ADAMTS19: variants seen among roughly 807,000 people sequenced by gnomAD.
ADAMTS19 encodes A disintegrin and metalloproteinase with thrombospondin motifs 19.
A neutral mutation model predicts 153.3 loss-of-function variants in ADAMTS19; 93 were observed. That is an observed-to-expected ratio of 0.61 (90% CI 0.51 to 0.72). The LOEUF (loss-of-function observed/expected upper bound fraction) is 0.72, where lower values mean the gene tolerates loss of function less well. Ranked by LOEUF, ADAMTS19 falls within the 30% of genes least tolerant of loss-of-function variation. The pLI is 0.00. For synonymous variants in ADAMTS19, 600 were observed against 556.6 expected (o/e 1.08, Z -1.10); for missense variants, 1,482 against 1,552.1 (o/e 0.95, Z 0.76).
intron 8 of ADAMTS19, among the ~76,000 whole-genome samples, chr5:129,614,247 G>A (rs552880620): frequency 6.6e-6 from 1 of 152,170 alleles, no homozygotes; most frequent in South Asian, 2.1e-4. Flanking sequence ...GAGAATTTTA[G>A]ACCAATATCC....
Position 129,637,933 on chromosome 5 carries a change from G to C in ADAMTS19, c.1771-3926G>C, listed in dbSNP as rs546565021. Reference sequence around the variant, plus strand: ...TAAATGATACGAACTTAGGAACACAGAGAAGGAAACAACAGACCCTGGGGC... The same window carrying C: ...TAAATGATACGAACTTAGGAACACACAGAAGGAAACAACAGACCCTGGGGC... On this transcript the variant is annotated intron_variant, in intron 10 of 22. Transcript: ENST00000274487. 2.8e-4 allele frequency among the ~76,000 whole-genome samples: 43 copies of C among 152,212 alleles called. No homozygotes were observed. The South Asian group carries it at 4.8e-3, about 17-fold the overall frequency.
chr5:129,734,678 T>C (rs539803329), intron 21 of ADAMTS19, among the ~76,000 whole-genome samples: 1 of 152,130 alleles, frequency 6.6e-6, no homozygotes, highest in Admixed American at 6.6e-5. Flanking sequence ...TGTACCTTTT[T>C]CTTTATCCTT....
intron 2 of ADAMTS19, among the ~76,000 whole-genome samples, chr5:129,485,228 T>G (rs1285007500): frequency 6.6e-6 from 1 of 152,006 alleles, no homozygotes; most frequent in African/African-American, 2.4e-5. Flanking sequence ...AATTTAGAAA[T>G]AAAACAATGC....
chr5:129,586,343 C>T (rs975715571), intron 7 of ADAMTS19, among the ~76,000 whole-genome samples: 1 of 152,176 alleles, frequency 6.6e-6, no homozygotes, highest in Non-Finnish European at 1.5e-5. Context: ...TTCTTCCGCT[C>T]TTAATCCTTG....
chr5:129,539,423 G>T (rs1752577049), intron 6 of ADAMTS19, among the ~76,000 whole-genome samples: 1 of 152,040 alleles, frequency 6.6e-6, no homozygotes, highest in Non-Finnish European at 1.5e-5. Flanking sequence ...ATACCCTAGT[G>T]CCTCTAGAAG....
intron 6 of ADAMTS19, among the ~76,000 whole-genome samples, chr5:129,531,116 C>T (rs561049638): frequency 1.4e-4 from 22 of 152,222 alleles, no homozygotes; most frequent in Middle Eastern, 3.4e-3. Context: ...AACTATACAG[C>T]ACTCTTATGA....
intron 7 of ADAMTS19, among the ~76,000 whole-genome samples, chr5:129,575,527 A>C (rs1754069215): frequency 6.6e-6 from 1 of 152,124 alleles, no homozygotes; most frequent in South Asian, 2.1e-4. Flanking sequence ...TCCAAGGCAG[A>C]TGAAATCATT....
At chr5:129,564,965 A>T (rs1280131130) in intron 7 of ADAMTS19, among the ~76,000 whole-genome samples, 1 of 152,238 alleles carries the variant, frequency 6.6e-6, no homozygotes, top group African/African-American at 2.4e-5. Flanking sequence ...AACTTTTAAA[A>T]GTTAAGAGAC....
At chr5:129,586,124 T>C (rs1749783961) in intron 7 of ADAMTS19, among the ~76,000 whole-genome samples, 1 of 152,186 alleles carries the variant, frequency 6.6e-6, no homozygotes, top group South Asian at 2.1e-4. Context: ...TTATCAACAT[T>C]CACCACTAGA....
chr5:129,460,637 G>T, intron 1 of ADAMTS19, 155 bp downstream of exon 1: 1 of 758,892 alleles, frequency 1.3e-6, no homozygotes. Context: ...AAGGGGTCAA[G>T]TTCGGAAATG....
At chr5:129,468,430 T>C (rs1448969493) in intron 2 of ADAMTS19, among the ~76,000 whole-genome samples, 1 of 152,202 alleles carries the variant, frequency 6.6e-6, no homozygotes, top group Admixed American at 6.5e-5. Context: ...GTCGGCTCAC[T>C]GCAGCTTCTG....
chr5:129,467,181 T>C (rs1214636377), intron 2 of ADAMTS19, among the ~76,000 whole-genome samples: 4 of 152,194 alleles, frequency 2.6e-5, no homozygotes, highest in Non-Finnish European at 2.9e-5. Context: ...GGTTGTATGC[T>C]GTAAGACAAA....
At chr5:129,546,388 A>T (rs1194875959) in intron 6 of ADAMTS19, among the ~76,000 whole-genome samples, 4 of 150,420 alleles carry the variant, frequency 2.7e-5, no homozygotes, top group Admixed American at 1.3e-4. Context: ...AAGTATAATA[A>T]AAAAAATTAA....
intron 7 of ADAMTS19, among the ~76,000 whole-genome samples, chr5:129,576,916 C>T (rs73785208): frequency 0.045 from 6,903 of 152,198 alleles, 487 homozygotes; most frequent in African/African-American, 0.16. Context: ...GAAGACACTG[C>T]TGAGCTTCAG....
rs961583452 is a variant in ADAMTS19 at position 129,574,240 on chromosome 5, G to A, written c.1373-22319G>A. Among the ~76,000 whole-genome samples, 5 of 151,916 alleles carry A rather than the reference G, an allele frequency of 3.3e-5. No homozygotes were observed. The East Asian group carries it at 5.8e-4, about 18-fold the overall frequency. On this transcript the variant is annotated intron_variant, in intron 7 of 22. Transcript: ENST00000274487. ...TAAGACAAATTATCACAATTCTACC[G>A]GTGGGAAAACTGAATGTCAGAAAAG...
At chr5:129,482,479 C>T (rs1750449535) in intron 2 of ADAMTS19, among the ~76,000 whole-genome samples, 1 of 152,010 alleles carries the variant, frequency 6.6e-6, no homozygotes, top group African/African-American at 2.4e-5. Flanking sequence ...CTGTTTTTCT[C>T]CAAATTAAGG....
chr5:129,534,936 G>T (rs142890768), intron 6 of ADAMTS19, among the ~76,000 whole-genome samples: 1,552 of 152,164 alleles, frequency 0.01, 22 homozygotes, highest in African/African-American at 0.034. Context: ...AATAATAAGA[G>T]ACAAATCCAC....
chr5:129,516,904 T>C (rs1294651531), intron 3 of ADAMTS19, among the ~76,000 whole-genome samples: 1 of 150,288 alleles, frequency 6.7e-6, no homozygotes, highest in Admixed American at 6.6e-5. Flanking sequence ...TTTTTTTTTT[T>C]TCGATGTAGG....
intron 7 of ADAMTS19, among the ~76,000 whole-genome samples, chr5:129,574,859 G>A (rs1453809449): frequency 2.0e-5 from 3 of 148,850 alleles, no homozygotes; most frequent in Non-Finnish European, 1.5e-5. Flanking sequence ...AAGCATTCTT[G>A]AAAAAAAAAA....
Sources: gnomAD v4.1 joint callset for allele counts (sites outside exome capture counted in the v4.1 genomes callset) on GRCh38, gnomAD v4.1.1 for gene constraint, MANE v1.5 for transcripts, NCBI Gene and HGNC (gene_info 2026-07-23, HGNC 2026-07-21) for gene names.